The following CEP85L variants were observed in gnomAD, a reference collection of about 807,000 sequenced individuals.
CEP85L encodes the protein centrosomal protein 85L.
In CEP85L, 60 loss-of-function variants were observed where a neutral mutation model predicts 100.3. That is an observed-to-expected ratio of 0.60 (90% CI 0.49 to 0.74). The LOEUF (loss-of-function observed/expected upper bound fraction) is 0.74, where lower values mean the gene tolerates loss of function less well. Ranked by LOEUF, CEP85L falls within the 30% of genes least tolerant of loss-of-function variation. The pLI is 0.00. For synonymous variants in CEP85L, 319 were observed against 322.7 expected, an observed-to-expected ratio of 0.99 and a Z score of 0.12; for missense variants, 973 against 936.2, an observed-to-expected ratio of 1.04 and a Z score of -0.51.
chr6:118,600,366 T>C (rs189324686), intron 2 of CEP85L, among the ~76,000 whole-genome samples: 15 of 121,738 alleles, frequency 1.2e-4, no homozygotes, highest in Non-Finnish European at 2.3e-4. Context: ...TGTGTGTGTG[T>C]GTGTAACGCC....
intron 2 of CEP85L, among the ~76,000 whole-genome samples, chr6:118,623,259 T>A (rs551356446): frequency 6.6e-6 from 1 of 152,298 alleles, no homozygotes; most frequent in Admixed American, 6.5e-5. Flanking sequence ...TAGGGCACTA[T>A]CCTGTAGAGG....
chr6:118,517,273 T>G (rs1205562310), intron 4 of CEP85L, among the ~76,000 whole-genome samples: 1 of 152,216 alleles, frequency 6.6e-6, no homozygotes, highest in Non-Finnish European at 1.5e-5. Context: ...TTTCTAATTC[T>G]GTGAAGAAAG....
Position 118,632,445 on chromosome 6 carries a change from T to G in CEP85L, c.232+8A>C. 1 of 1,581,720 alleles carries G rather than the reference T, an allele frequency of 6.3e-7. No homozygotes were observed. The highest frequency in any genetic ancestry group is 8.6e-7 in the Non-Finnish European group (1 of 1,165,934). The stretch of plus-strand genomic sequence containing the variant: ...ATTCATATATAAACAATAAGAATTT[T>G]AGCTCACCTTCCACGCTATCAGAAC... On this transcript the variant is annotated splice_region_variant and intron_variant, in intron 2 of 12. Transcript: ENST00000368491.
intron 5 of CEP85L, among the ~76,000 whole-genome samples, chr6:118,497,470 G>A (rs888253186): frequency 1.3e-5 from 2 of 152,078 alleles, no homozygotes; most frequent in South Asian, 2.1e-4. Flanking sequence ...ATGGTGAGTT[G>A]TACAATTATT....
intron 2 of CEP85L, among the ~76,000 whole-genome samples, chr6:118,569,209 G>A (rs1386341772): frequency 2.0e-5 from 3 of 151,696 alleles, no homozygotes; most frequent in Admixed American, 1.3e-4. Flanking sequence ...AGGTGTGGTG[G>A]CAGGCGCCTG....
chr6:118,689,210 T>C (rs986391269), intron 1 of CEP85L, among the ~76,000 whole-genome samples: 1 of 152,140 alleles, frequency 6.6e-6, no homozygotes, highest in Admixed American at 6.5e-5. Flanking sequence ...GGCCTATGAG[T>C]TACATCATTA....
intron 6 of CEP85L, among the ~76,000 whole-genome samples, chr6:118,491,061 C>G (rs897837036): frequency 1.3e-5 from 2 of 152,128 alleles, no homozygotes; most frequent in African/African-American, 2.4e-5. Context: ...ACTGCTGGAT[C>G]AAATGGTAGC....
chr6:118,652,471 G>A, upstream of CEP85L: 1 of 1,290,374 alleles, frequency 7.7e-7, no homozygotes, highest in Non-Finnish European at 9.8e-7. Context: ...AAAATTCTGG[G>A]CCAGCACTGT....
intron 2 of CEP85L, among the ~76,000 whole-genome samples, chr6:118,622,818 TGAA>T (rs1773539307): frequency 6.6e-6 from 1 of 152,046 alleles, no homozygotes; most frequent in Non-Finnish European, 1.5e-5. Context: ...ATCAAAAAGA[TGAA>T]GGAGAAGCAG....
intron 3 of CEP85L, chr6:118,537,688 G>C (rs1777672094): frequency 1.0e-6 from 1 of 985,340 alleles, no homozygotes; most frequent in Non-Finnish European, 1.2e-6. Context: ...GTTTACTGTA[G>C]TGCAGCTGAA....
chr6:118,698,377 A>G (rs1583270711), intron 1 of CEP85L, among the ~76,000 whole-genome samples: 1 of 152,304 alleles, frequency 6.6e-6, no homozygotes, highest in East Asian at 1.9e-4. Context: ...TCAGAATGTT[A>G]TCTTCAGCAT....
chr6:118,685,201 T>G (rs1047174189), intron 1 of CEP85L, among the ~76,000 whole-genome samples: 3 of 152,164 alleles, frequency 2.0e-5, no homozygotes, highest in African/African-American at 7.2e-5. Flanking sequence ...AGAATATAAA[T>G]AATTGCAATA....
chr6:118,552,427 A>G (rs1246137459), intron 3 of CEP85L, among the ~76,000 whole-genome samples: 2 of 152,066 alleles, frequency 1.3e-5, no homozygotes, highest in African/African-American at 4.8e-5. Flanking sequence ...AAAAGTTTTC[A>G]GAAGACTATT....
In CEP85L at chr6:118,465,445, C is replaced by T. The variant is rs768605927; in HGVS notation, c.2378G>A (p.Arg793His). Reference protein sequence around the residue: ...IDELRTTISDRYAQDMGDNCI... With the variant: ...IDELRTTISDHYAQDMGDNCI... ...GTTGTCTCCCATGTCCTGAGCATAGCGGTCTGATATTGTAGTCCTTAATTC... is the reference window on the plus strand; with the variant it reads ...GTTGTCTCCCATGTCCTGAGCATAGTGGTCTGATATTGTAGTCCTTAATTC... The change falls in exon 13 of 13, where the codon CGC becomes CAC. Residue 793 changes from arginine to histidine, a missense_variant. By Grantham distance (29) the Arg-to-His change is conservative (BLOSUM62 0). Around this residue, in one of 3 missense-constraint regions of CEP85L, gnomAD observed 890 missense variants for 844.5 expected, o/e 1.05. Transcript: ENST00000368491. 1 of 1,613,426 alleles carries T rather than the reference C, an allele frequency of 6.2e-7. No individual in the cohort carries two copies. The highest frequency in any genetic ancestry group is 1.1e-5 in the South Asian group (1 of 91,054).
At chr6:118,576,426 C>A (rs1320900339) in intron 2 of CEP85L, among the ~76,000 whole-genome samples, 1 of 152,248 alleles carries the variant, frequency 6.6e-6, no homozygotes, top group Non-Finnish European at 1.5e-5. Flanking sequence ...CTGGCAAAGT[C>A]ATGGACCATC....
chr6:118,636,929 G>T (rs1774528755), intron 1 of CEP85L, among the ~76,000 whole-genome samples: 1 of 152,056 alleles, frequency 6.6e-6, no homozygotes, highest in Non-Finnish European at 1.5e-5. Context: ...AATGCTATTG[G>T]CTCTGTTTCT....
chr6:118,680,267 T>A (rs1171464082), intron 1 of CEP85L, among the ~76,000 whole-genome samples: 2 of 121,716 alleles, frequency 1.6e-5, no homozygotes, highest in African/African-American at 5.6e-5. Flanking sequence ...CACTCCAGCC[T>A]GGGGAAAAAA....
chr6:118,485,570 T>C (rs1582889206), intron 6 of CEP85L, among the ~76,000 whole-genome samples: 1 of 152,216 alleles, frequency 6.6e-6, no homozygotes, highest in Non-Finnish European at 1.5e-5. Context: ...CCCTGTGATC[T>C]ATCAGAATAG....
chr6:118,472,039 A>G (rs1056919249), intron 10 of CEP85L, among the ~76,000 whole-genome samples: 2 of 151,822 alleles, frequency 1.3e-5, no homozygotes, highest in African/African-American at 4.8e-5. Flanking sequence ...TCAAACTCAC[A>G]TTCTAACAAA....
Sources: allele counts gnomAD v4.1 joint callset (sites outside exome capture counted in the v4.1 genomes callset), GRCh38; gene constraint gnomAD v4.1.1; regional missense constraint gnomAD v4.1.1; transcripts MANE v1.5; gene names NCBI Gene and HGNC (gene_info 2026-07-23, HGNC 2026-07-21).